Variants in CUX1 observed in about 807,000 individuals in gnomAD.
CUX1 encodes the protein protein CASP.
CUX1 carries 31 observed loss-of-function variants against 158.8 expected under a neutral mutation model. That is an observed-to-expected ratio of 0.20 (90% CI 0.15 to 0.26). The LOEUF (loss-of-function observed/expected upper bound fraction) is 0.26, where lower values mean the gene tolerates loss of function less well. Among genes scored for constraint, CUX1 ranks in the 10% least tolerant of loss-of-function variants. The probability of loss-of-function intolerance (pLI) is 1.00; values close to 1 mark genes in which losing one functional copy is unlikely to be tolerated. For synonymous variants in CUX1, 879 were observed against 862.1 expected (o/e 1.02, Z -0.34); for missense variants, 1,589 against 2,014.6 (o/e 0.79, Z 4.04).
At chr7:101,817,330 A>G, upstream of CUX1, 2 of 984,116 alleles carry the variant, frequency 2.0e-6, no homozygotes, top group Non-Finnish European at 2.4e-6. The surrounding 1 kb of genome is among the most constrained non-coding windows in gnomAD (Gnocchi z 4.1). Flanking sequence ...CCCTCTCTGC[A>G]GGGCCCGCCA....
intron 2 of CUX1, among the ~76,000 whole-genome samples, chr7:102,021,123 G>T (rs1230610324): frequency 1.3e-5 from 2 of 152,046 alleles, no homozygotes; most frequent in Non-Finnish European, 2.9e-5. Context: ...CCCTGCCCTA[G>T]TGCTCTTGGA....
chr7:101,952,001 A>C (rs1328535907), intron 2 of CUX1, among the ~76,000 whole-genome samples: 2 of 152,248 alleles, frequency 1.3e-5, no homozygotes, highest in Admixed American at 6.5e-5. Context: ...CTAAAAAGAC[A>C]ATCAGGCCCA....
intron 1 of CUX1, among the ~76,000 whole-genome samples, chr7:101,879,285 C>T (rs571897698): frequency 1.6e-4 from 25 of 152,096 alleles, no homozygotes; most frequent in African/African-American, 5.5e-4. Context: ...TGCCCCCTCC[C>T]CTGTCCCCCC....
At chr7:101,898,654 G>A (rs143098659) in intron 1 of CUX1, among the ~76,000 whole-genome samples, 4 of 147,266 alleles carry the variant, frequency 2.7e-5, no homozygotes, top group Admixed American at 1.4e-4. Context: ...GCAGCGGCGC[G>A]ACCTTGGCTC....
intron 3 of CUX1, among the ~76,000 whole-genome samples, chr7:102,048,812 G>T: frequency 6.6e-6 from 1 of 152,152 alleles, no homozygotes; most frequent in East Asian, 1.9e-4. Context: ...CTGGGCAACA[G>T]AGCGAGACTC....
At chr7:101,965,364 G>A (rs2129182064) in intron 2 of CUX1, among the ~76,000 whole-genome samples, 1 of 152,232 alleles carries the variant, frequency 6.6e-6, no homozygotes, top group Non-Finnish European at 1.5e-5. Flanking sequence ...AGGTTCCCAG[G>A]TCGAGCTGGC....
chr7:102,035,652 CA>C (rs10699446), intron 3 of CUX1, among the ~76,000 whole-genome samples: 24 of 90,634 alleles, frequency 2.6e-4, no homozygotes, highest in South Asian at 4.2e-4. Flanking sequence ...GATAGCCAGC[CA>C]AAAAAAAAAA....
chr7:102,118,359 A>C (rs1365292714), intron 8 of CUX1, among the ~76,000 whole-genome samples: 2 of 152,142 alleles, frequency 1.3e-5, no homozygotes, highest in Non-Finnish European at 2.9e-5. Flanking sequence ...GCAACATGGC[A>C]AAAGCCTGTC....
At chr7:102,275,266 C>A (rs199776060) in exon 17 of CUX1, 2 of 1,609,506 alleles carry the variant, frequency 1.2e-6, no homozygotes, top group Non-Finnish European at 8.5e-7. Context: ...CACCAGCCAG[C>A]GGTGCCCTCC....
intron 2 of CUX1, among the ~76,000 whole-genome samples, chr7:101,938,671 C>T (rs192315908): frequency 2.0e-5 from 3 of 151,886 alleles, no homozygotes; most frequent in East Asian, 3.9e-4. Context: ...TTTGGGAGGC[C>T]GAGGTTGGCA....
intron 23 of CUX1, among the ~76,000 whole-genome samples, chr7:102,240,571 C>G (rs1800091438): frequency 6.6e-6 from 1 of 152,058 alleles, no homozygotes; most frequent in South Asian, 2.1e-4. Flanking sequence ...ACTTTTATTT[C>G]TTAGTGATTT....
chr7:101,973,382 C>A (rs939386917), intron 2 of CUX1, among the ~76,000 whole-genome samples: 12 of 152,286 alleles, frequency 7.9e-5, no homozygotes, highest in African/African-American at 2.9e-4. Flanking sequence ...TCATTTCCAC[C>A]ACTGCCCCCC....
intron 2 of CUX1, among the ~76,000 whole-genome samples, chr7:101,952,739 C>T (rs1809239977): frequency 6.6e-6 from 1 of 152,182 alleles, no homozygotes; most frequent in Non-Finnish European, 1.5e-5. Flanking sequence ...CCCCACTGCG[C>T]CATGCTGGTC....
downstream of CUX1, among the ~76,000 whole-genome samples, chr7:102,259,694 C>G (rs1554543178): frequency 6.7e-6 from 1 of 150,268 alleles, no homozygotes; most frequent in African/African-American, 2.5e-5. Context: ...TTTAGGTATG[C>G]CCCTATGTAT....
chr7:101,944,888 A>T (rs969169311), intron 2 of CUX1, among the ~76,000 whole-genome samples: 1 of 152,178 alleles, frequency 6.6e-6, no homozygotes, highest in Non-Finnish European at 1.5e-5. Context: ...GGTTGACCCC[A>T]CTTGGTATGA....
chr7:102,177,679 C>G (rs1554512404), intron 10 of CUX1, among the ~76,000 whole-genome samples: 2 of 152,110 alleles, frequency 1.3e-5, no homozygotes, highest in Non-Finnish European at 2.9e-5. Context: ...CTCCAGGTCT[C>G]TGCTCACACA....
intron 2 of CUX1, among the ~76,000 whole-genome samples, chr7:101,976,044 A>C (rs748408535): frequency 1.0e-3 from 157 of 152,140 alleles, no homozygotes; most frequent in Non-Finnish European, 4.1e-4. Flanking sequence ...AGGCAGGGAG[A>C]ATCACTTGAA....
Position 102,257,503 on chromosome 7 carries a change from T to C in CUX1, c.*8461T>C. ...CATTGGAGAATAGCTTGTTATAAAA[T>C]AAAAGTGGGGGTAAAAAGAAGGTGG... On this transcript the variant is annotated 3_prime_UTR_variant, in exon 24 of 24. Transcript: ENST00000292535. 1 of 985,320 alleles carries C rather than the reference T, an allele frequency of 1.0e-6. No individual in the cohort carries two copies. The highest frequency in any genetic ancestry group is 4.7e-5 in the South Asian group (1 of 21,286). The allele number at this position is 985,320 out of a possible 1,614,324, so 61.0% of individuals were successfully genotyped here.
intron 2 of CUX1, among the ~76,000 whole-genome samples, chr7:101,955,838 T>G (rs1809697407): frequency 6.6e-6 from 1 of 151,986 alleles, no homozygotes; most frequent in African/African-American, 2.4e-5. Flanking sequence ...AGTCACAACT[T>G]TTGTTCTCTA....
Sources: gnomAD v4.1 joint callset for allele counts (sites outside exome capture counted in the v4.1 genomes callset) on GRCh38, gnomAD v4.1.1 for gene constraint, Gnocchi (gnomAD v3.1) non-coding constraint, MANE v1.5 for transcripts, NCBI Gene and HGNC (gene_info 2026-07-23, HGNC 2026-07-21) for gene names.